MCTP2: variants seen among roughly 807,000 people sequenced by gnomAD.
MCTP2 encodes the protein multiple C2 and transmembrane domain-containing protein 2.
A neutral mutation model predicts 111.6 loss-of-function variants in MCTP2; 132 were observed. The observed-to-expected ratio is 1.18, with a 90% CI of 1.03 to 1.37. The LOEUF (loss-of-function observed/expected upper bound fraction) is 1.37, where lower values mean the gene tolerates loss of function less well. MCTP2 is among the 40% of genes most tolerant of loss of function. The probability of loss-of-function intolerance (pLI) is 0.00; values close to 1 mark genes in which losing one functional copy is unlikely to be tolerated. For missense variants in MCTP2, 1,183 were observed against 1,067.9 expected, an observed-to-expected ratio of 1.11 and a Z score of -1.50; for synonymous variants, 395 against 387.7, an observed-to-expected ratio of 1.02 and a Z score of -0.22.
rs2075394074 is a variant in MCTP2 at position 94,298,748 on chromosome 15, C to T, written c.465+18C>T. ...AGCCAGAGGTGAGAATAGGGCTGGG[C>T]TCTCTTTTTTTTTGTCTCTCTCTCT... On this transcript the variant is annotated intron_variant, in intron 2 of 22. Transcript: ENST00000357742. 6.6e-7 allele frequency: 1 copy of T among 1,512,852 alleles called. No homozygotes were observed. The highest frequency in any genetic ancestry group is 2.3e-5 in the East Asian group (1 of 43,554). 93.7% of individuals were successfully genotyped at this position (1,512,852 alleles called of 1,614,324 possible). A position where few individuals can be genotyped will look rare whatever the true frequency, so the allele number is the denominator to read the frequency against.
intron 1 of MCTP2, among the ~76,000 whole-genome samples, chr15:94,295,886 G>A (rs572742467): frequency 1.1e-3 from 170 of 150,090 alleles, no homozygotes; most frequent in Non-Finnish European, 1.5e-3. Flanking sequence ...TTGCACTCCA[G>A]CCTGGGCAAC....
rs540349144 is a variant in MCTP2, at chr15:94,305,605, A to G, written c.465+6875A>G. 7.9e-5 allele frequency among the ~76,000 whole-genome samples: 12 copies of G among 152,292 alleles called. No homozygotes were observed. In the South Asian group the frequency reaches 1.7e-3, roughly 21 times the overall value. ...GAGTATAAGCTCTTGAAGAGTAGAA[A>G]TGTCATTTTTCTTCTTCTCCCGGCC... On this transcript the variant is annotated intron_variant, in intron 2 of 22. Transcript: ENST00000357742.
chr15:94,329,313 G>T (rs1257856297), intron 4 of MCTP2, among the ~76,000 whole-genome samples: 1 of 152,066 alleles, frequency 6.6e-6, no homozygotes, highest in African/African-American at 2.4e-5. Flanking sequence ...ATGTATTTAA[G>T]GCACAACATG....
At chr15:94,416,238 G>A (rs962676090) in intron 17 of MCTP2, among the ~76,000 whole-genome samples, 1 of 152,060 alleles carries the variant, frequency 6.6e-6, no homozygotes, top group African/African-American at 2.4e-5. Context: ...TAGTCTGACT[G>A]ATGGGTGTAG....
At position 94,310,136 on chromosome 15, in the gene MCTP2, A is replaced by G. The variant is rs550940995; in HGVS notation, c.466-4146A>G. Among the ~76,000 whole-genome samples, 3 of 152,370 alleles carry G rather than the reference A, an allele frequency of 2.0e-5. No individual in the cohort carries two copies. In the South Asian group the frequency reaches 6.2e-4, roughly 32 times the overall value. On this transcript the variant is annotated intron_variant, in intron 2 of 22. Coordinates refer to ENST00000357742, the MANE Select transcript of MCTP2 (RefSeq NM_001385001.1). ...TCCCCAGGATGGAACACTACTCAGC[A>G]ATAAAAAAGAATGACGCAGATGACA...
intron 4 of MCTP2, among the ~76,000 whole-genome samples, chr15:94,336,739 A>ATGTGTG (rs147211090): frequency 0.013 from 2,001 of 149,862 alleles, 39 homozygotes; most frequent in African/African-American, 0.045. Context: ...ATGTGCATAT[A>ATGTGTG]TGTGTGTGTA....
chr15:94,364,989 T>C (rs2079113609), intron 10 of MCTP2, among the ~76,000 whole-genome samples: 2 of 152,166 alleles, frequency 1.3e-5, no homozygotes, highest in Admixed American at 1.3e-4. Context: ...ACCAGGTGGG[T>C]AGAAGAGTTA....
chr15:94,409,883 C>A (rs2082077794), intron 17 of MCTP2, among the ~76,000 whole-genome samples: 1 of 135,460 alleles, frequency 7.4e-6, no homozygotes, highest in Admixed American at 7.4e-5. Context: ...CCCTCCCTTT[C>A]CCCCTCCCTC....
At chr15:94,292,045 A>C (rs2075056405) in intron 1 of MCTP2, among the ~76,000 whole-genome samples, 1 of 152,258 alleles carries the variant, frequency 6.6e-6, no homozygotes, top group Non-Finnish European at 1.5e-5. Flanking sequence ...AAATAAAAAA[A>C]GTAAGACCAA....
At chr15:94,235,110 G>C (rs8034374) in intron 1 of MCTP2, among the ~76,000 whole-genome samples, 2 of 152,022 alleles carry the variant, frequency 1.3e-5, no homozygotes, top group African/African-American at 4.8e-5. Flanking sequence ...AAATTAGTCC[G>C]GTGTGGTGGC....
At chr15:94,351,542 C>T (rs1247667207) in intron 8 of MCTP2, among the ~76,000 whole-genome samples, 5 of 151,882 alleles carry the variant, frequency 3.3e-5, no homozygotes, top group Admixed American at 6.6e-5. Flanking sequence ...CTTACTTTCC[C>T]ATAATGACTT....
intron 12 of MCTP2, among the ~76,000 whole-genome samples, chr15:94,378,793 G>C (rs2079926250): frequency 6.6e-6 from 1 of 152,152 alleles, no homozygotes; most frequent in Admixed American, 6.5e-5. Flanking sequence ...GGACCCATCT[G>C]GAAAGGCTGG....
intron 8 of MCTP2, among the ~76,000 whole-genome samples, chr15:94,345,978 T>C (rs1372226573): frequency 6.6e-6 from 1 of 152,100 alleles, no homozygotes; most frequent in East Asian, 1.9e-4. Flanking sequence ...TGAATGCCTG[T>C]ATTTGCACAC....
chr15:94,433,247 T>C (rs894522502), intron 17 of MCTP2, among the ~76,000 whole-genome samples: 1 of 152,208 alleles, frequency 6.6e-6, no homozygotes, highest in African/African-American at 2.4e-5. Flanking sequence ...AGATTTAGCA[T>C]GTATACATTT....
intron 17 of MCTP2, chr15:94,403,388 C>G (rs2081708526): frequency 7.0e-6 from 2 of 285,568 alleles, no homozygotes; most frequent in Non-Finnish European, 1.1e-5. Flanking sequence ...AATTCCCTTT[C>G]AAAACTTTCC....
chr15:94,308,385 G>T lies in MCTP2; in HGVS notation c.466-5897G>T, dbSNP rs564285198. ...TCTCCTGGCGCAGGTGTGGTACAGT[G>T]AAAAGAGCAGCGTACCCAGGTCACT... On this transcript the variant is annotated intron_variant, in intron 2 of 22. Transcript: ENST00000357742. Among the ~76,000 whole-genome samples, 5 of 152,274 alleles carry T rather than the reference G, an allele frequency of 3.3e-5. No homozygotes were observed. The East Asian group carries it at 9.7e-4, about 29-fold the overall frequency.
intron 1 of MCTP2, among the ~76,000 whole-genome samples, chr15:94,246,404 G>A (rs749597819): frequency 6.6e-6 from 1 of 152,120 alleles, no homozygotes; most frequent in South Asian, 2.1e-4. Flanking sequence ...AGGATTATAG[G>A]ATAGTATTTC....
chr15:94,354,384 T>C (rs1411884637), intron 8 of MCTP2, among the ~76,000 whole-genome samples: 1 of 152,174 alleles, frequency 6.6e-6, no homozygotes, highest in African/African-American at 2.4e-5. Flanking sequence ...AGTAACTGAA[T>C]TATGGGGGTG....
chr15:94,393,189 C>T (rs1022403617), intron 14 of MCTP2, among the ~76,000 whole-genome samples: 2 of 151,928 alleles, frequency 1.3e-5, no homozygotes, highest in African/African-American at 2.4e-5. Context: ...AAATAAGATT[C>T]GTGACTATAC....
Sources: allele counts gnomAD v4.1 joint callset (sites outside exome capture counted in the v4.1 genomes callset), GRCh38; gene constraint gnomAD v4.1.1; transcripts MANE v1.5; gene names NCBI Gene and HGNC (gene_info 2026-07-23, HGNC 2026-07-21).